The following GABRG3 variants were observed in gnomAD, a reference collection of about 807,000 sequenced individuals.
The protein encoded by GABRG3 is gamma-aminobutyric acid receptor subunit gamma-3.
A neutral mutation model predicts 48.8 loss-of-function variants in GABRG3; 25 were observed. The ratio of observed to expected loss-of-function variants is 0.51; its 90% CI spans 0.37 to 0.72. GABRG3 has a LOEUF of 0.72. Among genes scored for constraint, GABRG3 ranks in the 30% least tolerant of loss-of-function variants. The probability of loss-of-function intolerance (pLI) is 0.00; values close to 1 mark genes in which losing one functional copy is unlikely to be tolerated. For synonymous variants in GABRG3, 227 were observed against 217.6 expected (o/e 1.04, Z -0.38); for missense variants, 394 against 577.9 (o/e 0.68, Z 3.26).
At chr15:27,056,610 C>A (rs1896552418) in intron 3 of GABRG3, among the ~76,000 whole-genome samples, 1 of 151,964 alleles carries the variant, frequency 6.6e-6, no homozygotes, top group South Asian at 2.1e-4. Context: ...TTGTGAGAAG[C>A]CTCCGCCGGA....
intron 3 of GABRG3, among the ~76,000 whole-genome samples, chr15:27,174,167 C>T (rs1161356347): frequency 6.6e-6 from 1 of 152,162 alleles, no homozygotes; most frequent in Admixed American, 6.5e-5. Context: ...TCATGTCTTA[C>T]CCAGCCCATC....
chr15:27,382,098 C>T (rs1479455220), intron 5 of GABRG3, among the ~76,000 whole-genome samples: 1 of 152,050 alleles, frequency 6.6e-6, no homozygotes. Flanking sequence ...AAAGATCAAG[C>T]AACAGCTAGA....
chr15:27,091,991 G>A (rs946880006), intron 3 of GABRG3, among the ~76,000 whole-genome samples: 3 of 152,194 alleles, frequency 2.0e-5, no homozygotes, highest in African/African-American at 7.2e-5. Context: ...TTTCTTAGGA[G>A]GAACACCCCA....
At chr15:27,301,810 AAGC>A (rs1892217871) in intron 3 of GABRG3, among the ~76,000 whole-genome samples, 3 of 152,136 alleles carry the variant, frequency 2.0e-5, no homozygotes, top group African/African-American at 2.4e-5. Context: ...AAAAATATAA[AAGC>A]AGTCAGATAA....
At chr15:27,224,006 G>C (rs1345979895) in intron 3 of GABRG3, among the ~76,000 whole-genome samples, 1 of 152,156 alleles carries the variant, frequency 6.6e-6, no homozygotes, top group Non-Finnish European at 1.5e-5. Flanking sequence ...CTGGAGAGGG[G>C]AAGATGCAGG....
rs373753190 is a variant in GABRG3, at chr15:27,532,580, G to A, written c.1123-20G>A. 6.2e-6 allele frequency: 10 copies of A among 1,609,652 alleles called. No homozygotes were observed. Among genetic ancestry groups the A allele is most frequent in the Non-Finnish European group, 8.5e-6 (10 of 1,177,348 alleles). On this transcript the variant is annotated intron_variant, in intron 9 of 9. Coordinates refer to ENST00000615808, the MANE Select transcript of GABRG3 (RefSeq NM_033223.5). ...TATTGCATTTTACAATGGTTGTTGT[G>A]TCATTTTTGTTGCTTGCAGAACTAT...
intron 5 of GABRG3, among the ~76,000 whole-genome samples, chr15:27,350,671 C>T (rs905800391): frequency 3.9e-5 from 6 of 152,246 alleles, no homozygotes; most frequent in African/African-American, 1.4e-4. Context: ...ATGGACGGTG[C>T]ATGATGGGCC....
chr15:27,192,094 C>A (rs28768838), intron 3 of GABRG3, among the ~76,000 whole-genome samples: 8,085 of 152,158 alleles, frequency 0.053, 342 homozygotes, highest in African/African-American at 0.12. Context: ...CCGAGAGATC[C>A]GCTTTAGTCT....
intron 1 of GABRG3, among the ~76,000 whole-genome samples, chr15:26,972,281 T>C (rs944996768): frequency 6.6e-6 from 1 of 152,112 alleles, no homozygotes; most frequent in African/African-American, 2.4e-5. Context: ...TCACCATAAA[T>C]TCCGCAACCT....
intron 3 of GABRG3, among the ~76,000 whole-genome samples, chr15:27,196,393 G>T (rs537932169): frequency 2.6e-5 from 4 of 151,976 alleles, no homozygotes; most frequent in African/African-American, 9.7e-5. Flanking sequence ...AACTGTGCTC[G>T]CTGTGAGCTG....
chr15:27,492,573 A>G (rs1890382304), intron 6 of GABRG3, among the ~76,000 whole-genome samples: 1 of 152,196 alleles, frequency 6.6e-6, no homozygotes, highest in South Asian at 2.1e-4. Flanking sequence ...CATTTTAACT[A>G]AGCTGGAGGC....
At chr15:27,222,866 G>T (rs1233338997) in intron 3 of GABRG3, among the ~76,000 whole-genome samples, 1 of 152,172 alleles carries the variant, frequency 6.6e-6, no homozygotes, top group Non-Finnish European at 1.5e-5. Context: ...ACACAGAGTG[G>T]CCATGCCTTA....
At chr15:27,229,496 G>C (rs1372288670) in intron 3 of GABRG3, among the ~76,000 whole-genome samples, 2 of 151,592 alleles carry the variant, frequency 1.3e-5, no homozygotes, top group Non-Finnish European at 2.9e-5. Flanking sequence ...TGTTTTTTGA[G>C]AAGGGGGTCT....
intron 5 of GABRG3, among the ~76,000 whole-genome samples, chr15:27,330,362 T>G (rs1893762737): frequency 6.6e-6 from 1 of 152,252 alleles, no homozygotes; most frequent in African/African-American, 2.4e-5. Flanking sequence ...CCCTGAACCT[T>G]CAAATGTAAA....
intron 5 of GABRG3, among the ~76,000 whole-genome samples, chr15:27,479,139 C>T (rs1003325628): frequency 2.0e-5 from 3 of 149,948 alleles, no homozygotes; most frequent in Admixed American, 6.6e-5. Flanking sequence ...AAAAAAAAAA[C>T]CCTGATTTGG....
chr15:27,209,512 A>C (rs560107216), intron 3 of GABRG3, among the ~76,000 whole-genome samples: 28 of 152,254 alleles, frequency 1.8e-4, no homozygotes, highest in African/African-American at 6.5e-4. Context: ...TGTAAGAGGA[A>C]GATGTCTCTG....
chr15:27,010,284 C>G (rs1450338807), intron 2 of GABRG3, among the ~76,000 whole-genome samples: 1 of 152,196 alleles, frequency 6.6e-6, no homozygotes, highest in Non-Finnish European at 1.5e-5. Flanking sequence ...TTTGTCCTCT[C>G]TCTGTTTGTG....
chr15:27,263,935 A>AG (rs1340798648), intron 3 of GABRG3, among the ~76,000 whole-genome samples: 1 of 85,206 alleles, frequency 1.2e-5, no homozygotes, highest in African/African-American at 4.0e-5. Context: ...AAAAAAAAAA[A>AG]AAAGAAAAAG....
intron 3 of GABRG3, among the ~76,000 whole-genome samples, chr15:27,036,843 A>G (rs980774352): frequency 1.3e-5 from 2 of 152,168 alleles, no homozygotes; most frequent in Admixed American, 6.5e-5. Context: ...CCCCCACAAA[A>G]GGTATACGTT....
Sources: gnomAD v4.1 joint callset for allele counts (sites outside exome capture counted in the v4.1 genomes callset) on GRCh38, gnomAD v4.1.1 for gene constraint, MANE v1.5 for transcripts, NCBI Gene and HGNC (gene_info 2026-07-23, HGNC 2026-07-21) for gene names.